Variants in SGCD observed in about 807,000 individuals in gnomAD.
The protein encoded by SGCD is delta-sarcoglycan.
Under a neutral mutation model 36.6 loss-of-function variants are expected in SGCD, and 18 were observed. That is an observed-to-expected ratio of 0.49 (90% CI 0.34 to 0.73). SGCD has a LOEUF of 0.73. SGCD is among the 30% of genes least tolerant of loss of function. The probability of loss-of-function intolerance (pLI) is 0.01; values close to 1 mark genes in which losing one functional copy is unlikely to be tolerated. For synonymous variants in SGCD, 133 were observed against 130.6 expected (o/e 1.02, Z -0.12); for missense variants, 387 against 346.7 (o/e 1.12, Z -0.92).
the SGCD span, among the ~76,000 whole-genome samples, chr5:155,742,847 G>A: frequency 6.6e-6 from 1 of 152,158 alleles, no homozygotes; most frequent in Non-Finnish European, 1.5e-5. Flanking sequence ...CTATAGATTG[G>A]GTTTCTATTA....
intron 1 of SGCD, among the ~76,000 whole-genome samples, chr5:155,927,003 G>T (rs1724895285): frequency 6.6e-6 from 1 of 152,174 alleles, no homozygotes; most frequent in African/African-American, 2.4e-5. Flanking sequence ...CAAGGATGCT[G>T]CTAGATGTCC....
chr5:156,713,207 C>A (rs1229042413), intron 7 of SGCD, among the ~76,000 whole-genome samples: 2 of 152,084 alleles, frequency 1.3e-5, no homozygotes, highest in Non-Finnish European at 2.9e-5. Context: ...CCCTACCCAT[C>A]AGTGAATGTT....
chr5:156,039,630 GCAA>G (rs1429234372), intron 1 of SGCD, among the ~76,000 whole-genome samples: 1 of 152,156 alleles, frequency 6.6e-6, no homozygotes, highest in African/African-American at 2.4e-5. Context: ...TTAAGGAAAA[GCAA>G]CACTTGGAAA....
intron 1 of SGCD, among the ~76,000 whole-genome samples, chr5:156,033,038 C>A (rs1322182489): frequency 6.6e-6 from 1 of 151,892 alleles, no homozygotes; most frequent in African/African-American, 2.4e-5. Flanking sequence ...AATCACACCA[C>A]CATACTCCAG....
At chr5:156,294,110 G>T (rs574495006) in intron 3 of SGCD, among the ~76,000 whole-genome samples, 27 of 151,986 alleles carry the variant, frequency 1.8e-4, no homozygotes, top group Non-Finnish European at 3.4e-4. Context: ...TGGAATTGTT[G>T]GTATTGTTTT....
At chr5:155,888,671 T>C (rs1374779441) in intron 1 of SGCD, among the ~76,000 whole-genome samples, 2 of 152,218 alleles carry the variant, frequency 1.3e-5, no homozygotes, top group African/African-American at 4.8e-5. Flanking sequence ...GATTCTTCTC[T>C]GTGTCTCTAT....
At chr5:156,347,218 AGTTT>A (rs1162760016) in intron 3 of SGCD, among the ~76,000 whole-genome samples, 1 of 152,168 alleles carries the variant, frequency 6.6e-6, no homozygotes, top group Non-Finnish European at 1.5e-5. Flanking sequence ...GAATGGGGAA[AGTTT>A]GTTAGAGCTG....
the SGCD span, among the ~76,000 whole-genome samples, chr5:155,823,072 ATCTATCTATC>A: frequency 2.5e-4 from 36 of 141,208 alleles, no homozygotes; most frequent in East Asian, 6.2e-3. Context: ...ATATCTATCT[ATCTATCTATC>A]TATCTATCTA....
At chr5:156,665,164 G>T (rs1225490740) in intron 7 of SGCD, among the ~76,000 whole-genome samples, 1 of 152,200 alleles carries the variant, frequency 6.6e-6, no homozygotes, top group African/African-American at 2.4e-5. Context: ...TGGCGGTTGG[G>T]TCTTATTTTC....
At chr5:155,778,546 G>A in the SGCD span, among the ~76,000 whole-genome samples, 1 of 152,110 alleles carries the variant, frequency 6.6e-6, no homozygotes, top group Non-Finnish European at 1.5e-5. Flanking sequence ...TAAACGTATT[G>A]TTAACACGGA....
intron 3 of SGCD, among the ~76,000 whole-genome samples, chr5:156,485,783 C>G (rs970686317): frequency 6.6e-6 from 1 of 152,116 alleles, no homozygotes. Flanking sequence ...CACTGAAACT[C>G]AGCAGGGAAG....
chr5:155,795,984 A>G, the SGCD span, among the ~76,000 whole-genome samples: 1 of 152,214 alleles, frequency 6.6e-6, no homozygotes, highest in Non-Finnish European at 1.5e-5. Flanking sequence ...ATGACAAAAG[A>G]AAACTAAAAC....
intron 3 of SGCD, among the ~76,000 whole-genome samples, chr5:156,168,617 A>G (rs557762977): frequency 1.3e-5 from 2 of 152,338 alleles, no homozygotes; most frequent in South Asian, 4.1e-4. Flanking sequence ...AAATAAGGCC[A>G]ATAAATACAC....
chr5:156,375,120 C>T (rs542668290), intron 3 of SGCD, among the ~76,000 whole-genome samples: 68 of 152,068 alleles, frequency 4.5e-4, no homozygotes, highest in Non-Finnish European at 7.2e-4. Context: ...TTATTCTCCC[C>T]ACTCCTTCCC....
At chr5:155,868,930 T>G (rs1755576299), upstream of SGCD, among the ~76,000 whole-genome samples, 1 of 152,184 alleles carries the variant, frequency 6.6e-6, no homozygotes, top group Non-Finnish European at 1.5e-5. Context: ...GTAATTATTA[T>G]AGAGACTATT....
the SGCD span, among the ~76,000 whole-genome samples, chr5:155,738,072 C>T: frequency 6.6e-6 from 1 of 152,056 alleles, no homozygotes; most frequent in Non-Finnish European, 1.5e-5. Flanking sequence ...CTCTCTGGAC[C>T]ACTTCTCCTT....
At chr5:156,753,047 C>A (rs914650829) in intron 7 of SGCD, among the ~76,000 whole-genome samples, 2 of 151,996 alleles carry the variant, frequency 1.3e-5, no homozygotes, top group African/African-American at 4.8e-5. Flanking sequence ...TGTGGCCCGC[C>A]GAAACAAGCA....
intron 4 of SGCD, among the ~76,000 whole-genome samples, chr5:156,511,399 G>T (rs762405299): frequency 2.1e-4 from 32 of 152,172 alleles, no homozygotes; most frequent in African/African-American, 7.7e-4. Flanking sequence ...TTCGCTGTCT[G>T]CTGCCTTACC....
At chr5:156,262,844 G>A (rs182885764) in intron 3 of SGCD, among the ~76,000 whole-genome samples, 2 of 151,982 alleles carry the variant, frequency 1.3e-5, no homozygotes, top group East Asian at 3.9e-4. Flanking sequence ...ATTCCATTCA[G>A]GTTGCTGTGA....
Sources: gnomAD v4.1 joint callset for allele counts (sites outside exome capture counted in the v4.1 genomes callset) on GRCh38, gnomAD v4.1.1 for gene constraint, MANE v1.5 for transcripts, NCBI Gene and HGNC (gene_info 2026-07-23, HGNC 2026-07-21) for gene names.